ASXL3: variants seen among roughly 807,000 people sequenced by gnomAD.
ASXL3 encodes putative Polycomb group protein ASXL3.
Under a neutral mutation model 170.6 loss-of-function variants are expected in ASXL3, and 34 were observed. That is an observed-to-expected ratio of 0.20 (90% CI 0.15 to 0.27). ASXL3 has a LOEUF of 0.27. Among genes scored for constraint, ASXL3 ranks in the 10% least tolerant of loss-of-function variants. The pLI is 1.00. For missense variants in ASXL3, 2,592 were observed against 2,695.3 expected (o/e 0.96, Z 0.85); for synonymous variants, 1,002 against 989.1 (o/e 1.01, Z -0.24).
intron 7 of ASXL3, among the ~76,000 whole-genome samples, chr18:33,673,157 C>T (rs945091163): frequency 6.6e-6 from 1 of 152,004 alleles, no homozygotes; most frequent in Non-Finnish European, 1.5e-5. Context: ...ACTAAAAATC[C>T]AAAACAGTAC....
rs112547617 is a variant in ASXL3, at chr18:33,611,532, T to C, written c.137+3856T>C. ...GTCAACAGTTGATCAATCAAAGTTA[T>C]TGGAAGGCTTTTCAGATGATTGGAA... is the stretch of plus-strand genomic sequence containing the variant. On this transcript the variant is annotated intron_variant, in intron 2 of 11. Transcript: ENST00000269197. Among the ~76,000 whole-genome samples, 559 of 152,152 alleles carry C rather than the reference T, an allele frequency of 3.7e-3. 5 individuals are homozygous for C. Among genetic ancestry groups the C allele is most frequent in the Non-Finnish European group, 6.5e-3 (443 of 67,976 alleles).
At chr18:33,731,048 C>G (rs1322130116) in intron 8 of ASXL3, among the ~76,000 whole-genome samples, 3 of 152,114 alleles carry the variant, frequency 2.0e-5, no homozygotes, top group African/African-American at 7.2e-5. Flanking sequence ...AGACATTATC[C>G]AGCTTAAGAT....
At chr18:33,591,998 T>G (rs111806070) in intron 1 of ASXL3, among the ~76,000 whole-genome samples, 39 of 152,312 alleles carry the variant, frequency 2.6e-4, no homozygotes, top group African/African-American at 8.9e-4. Context: ...TCATGAAAGT[T>G]AAACACATTT....
chr18:33,588,239 G>T (rs993252638), intron 1 of ASXL3, among the ~76,000 whole-genome samples: 13 of 152,080 alleles, frequency 8.5e-5, no homozygotes, highest in African/African-American at 3.1e-4. Flanking sequence ...GAACAATGGG[G>T]AAAGGACTCC....
chr18:33,601,279 T>G (rs563798050), intron 1 of ASXL3, among the ~76,000 whole-genome samples: 38 of 152,124 alleles, frequency 2.5e-4, no homozygotes, highest in Admixed American at 1.0e-3. Flanking sequence ...CTTTTTTTTT[T>G]CAGCCAATAA....
chr18:33,691,906 A>G (rs190771348), intron 8 of ASXL3, among the ~76,000 whole-genome samples: 5 of 152,204 alleles, frequency 3.3e-5, no homozygotes, highest in African/African-American at 1.2e-4. Context: ...TACATATATT[A>G]TCAGCAATTC....
chr18:33,710,536 C>T (rs761777499), intron 8 of ASXL3, among the ~76,000 whole-genome samples: 8 of 152,168 alleles, frequency 5.3e-5, no homozygotes, highest in Non-Finnish European at 1.0e-4. Context: ...ATGTGTGCTT[C>T]TGAATATGCT....
At chr18:33,624,198 A>G (rs1234951531) in intron 2 of ASXL3, among the ~76,000 whole-genome samples, 2 of 152,128 alleles carry the variant, frequency 1.3e-5, no homozygotes, top group Non-Finnish European at 2.9e-5. Context: ...TGGGACTCCA[A>G]TATCAGGGAT....
chr18:33,582,375 AAC>A (rs1309514675), intron 1 of ASXL3, among the ~76,000 whole-genome samples: 2 of 152,202 alleles, frequency 1.3e-5, no homozygotes, highest in Admixed American at 1.3e-4. Flanking sequence ...TTACTGGCTT[AAC>A]ACAGAACATA....
intron 4 of ASXL3, among the ~76,000 whole-genome samples, chr18:33,659,641 A>G (rs1004902470): frequency 3.9e-5 from 6 of 152,228 alleles, no homozygotes; most frequent in East Asian, 1.9e-4. Context: ...TAAACTGATT[A>G]TTATTTCTAA....
chr18:33,698,926 C>T (rs896585343), intron 8 of ASXL3, among the ~76,000 whole-genome samples: 3 of 152,088 alleles, frequency 2.0e-5, no homozygotes, highest in African/African-American at 7.2e-5. Flanking sequence ...TGACTGTGCT[C>T]ATGGCCAAGG....
chr18:33,592,637 G>A (rs73955159), intron 1 of ASXL3, among the ~76,000 whole-genome samples: 6,533 of 152,192 alleles, frequency 0.043, 463 homozygotes, highest in African/African-American at 0.15. Flanking sequence ...GAGATTTTGG[G>A]GTTGATTTTT....
rs1232454372 is a variant in ASXL3, at chr18:33,738,817, G to A, written c.1413G>A (p.Lys471=). The change falls in exon 11 of 12, where the codon AAG becomes AAA. Residue 471 remains lysine, a synonymous_variant. Coordinates refer to ENST00000269197, the MANE Select transcript of ASXL3 (RefSeq NM_030632.3). ...GTGAATGCCAGGATGAAAATCATAA[G>A]ACAATACCTGAATTTTCTGAGGAGG... ...SICECQDENH[K]TIPEFSEEAE... 22 of 1,613,572 alleles carry A rather than the reference G, an allele frequency of 1.4e-5. No homozygotes were observed. The highest frequency in any genetic ancestry group is 1.9e-5 in the Non-Finnish European group (22 of 1,179,848).
At chr18:33,686,188 T>C (rs1056922779) in intron 8 of ASXL3, among the ~76,000 whole-genome samples, 2 of 152,192 alleles carry the variant, frequency 1.3e-5, no homozygotes, top group African/African-American at 4.8e-5. Flanking sequence ...GAGAAACTTT[T>C]TTTATTCAGA....
At chr18:33,740,471 T>A (rs2067644502) in intron 11 of ASXL3, 28 bp downstream of exon 11, 2 of 1,492,732 alleles carry the variant, frequency 1.3e-6, no homozygotes, top group African/African-American at 2.8e-5. Context: ...CAAAAGGCAA[T>A]TCCGTAGATA....
chr18:33,605,802 C>G (rs1423532284), intron 1 of ASXL3: 1 of 152,230 alleles, frequency 6.6e-6, no homozygotes, highest in Admixed American at 6.6e-5. Context: ...CCTTTCTCAC[C>G]CTCCTCCTAT....
chr18:33,727,283 A>G (rs1009672595), intron 8 of ASXL3, among the ~76,000 whole-genome samples: 1 of 152,130 alleles, frequency 6.6e-6, no homozygotes, highest in Non-Finnish European at 1.5e-5. Context: ...ACAAAATAAG[A>G]AAAAAGTGGT....
intron 8 of ASXL3, among the ~76,000 whole-genome samples, chr18:33,686,012 G>A (rs1483655029): frequency 2.6e-5 from 4 of 152,308 alleles, no homozygotes; most frequent in East Asian, 1.9e-4. Flanking sequence ...TTGTAATGAA[G>A]AAATAACGGA....
At chr18:33,666,137 A>G (rs562434328) in intron 5 of ASXL3, among the ~76,000 whole-genome samples, 1 of 152,278 alleles carries the variant, frequency 6.6e-6, no homozygotes, top group African/African-American at 2.4e-5. Context: ...CTGCATTTAC[A>G]GTCACCATCT....
Sources: gnomAD v4.1 joint callset for allele counts (sites outside exome capture counted in the v4.1 genomes callset) on GRCh38, gnomAD v4.1.1 for gene constraint, MANE v1.5 for transcripts, NCBI Gene and HGNC (gene_info 2026-07-23, HGNC 2026-07-21) for gene names.